Variants in RPLP0 observed in about 807,000 individuals in gnomAD.
RPLP0 encodes ribosomal protein lateral stalk subunit P0, also known as large ribosomal subunit protein uL10.
For synonymous variants in RPLP0, 137 were observed against 153.4 expected, an observed-to-expected ratio of 0.89 and a Z score of 0.79; for missense variants, 276 against 402.9, an observed-to-expected ratio of 0.69 and a Z score of 2.70.
chr12:120,198,567 G>C lies in RPLP0; in HGVS notation c.638C>G (p.Ser213Cys). The C allele has an allele frequency of 6.2e-7, 1 of 1,614,136 alleles. No individual in the cohort carries two copies. The highest frequency in any genetic ancestry group is 1.1e-5 in the South Asian group (1 of 91,082). ...GACAGCATATACCTCCAGGAAGCGA[G>C]AATGCAGAGTTTCCTCTGTGATATC... Reference protein sequence around the residue: ...VLDITEETLHSRFLEGVRNVA... With the variant: ...VLDITEETLHCRFLEGVRNVA... The change falls in exon 6 of 8, where the codon TCT (serine) becomes TGT (cysteine). Residue 213 changes from serine to cysteine, a missense_variant. By Grantham distance (112) the Ser-to-Cys change is moderately radical. Transcript: ENST00000392514. This position sits in a 1 kb window ranked among gnomAD's most constrained non-coding sequence, Gnocchi z 4.1.
At chr12:120,199,654 G>T in intron 2 of RPLP0, 169 bp from the exon 3 acceptor site, 1 of 646,006 alleles carries the variant, frequency 1.5e-6, no homozygotes, top group Non-Finnish European at 2.6e-6. Flanking sequence ...CTGGATGATT[G>T]GCTAGCTGGG....
Position 120,200,667 on chromosome 12 carries a change from G to A in RPLP0, c.54+63C>T, listed in dbSNP as rs904868998. On this transcript the variant is annotated intron_variant, in intron 2 of 7. Transcript: ENST00000392514. ...GTGAGTAGACCCTCAGCACATAGCA[G>A]CTGACTGTCCCTATTTGCGCTGGGG... The A allele has an allele frequency of 1.4e-4, 212 of 1,563,218 alleles. 1 individual carries two copies. In the East Asian group the frequency reaches 4.9e-3, roughly 36 times the overall value.
Position 120,198,412 on chromosome 12 carries a change from A to G in RPLP0, c.651+142T>C, listed in dbSNP as rs1879269856. The G allele has an allele frequency of 2.2e-5, 20 of 918,424 alleles. No homozygotes were observed. Among genetic ancestry groups the G allele is most frequent in the Non-Finnish European group, 4.9e-6 (3 of 617,302 alleles). The allele number at this position is 918,424 out of a possible 1,614,324, so 56.9% of individuals were successfully genotyped here. A position where few individuals can be genotyped will look rare whatever the true frequency, so the allele number is the denominator to read the frequency against. On this transcript the variant is annotated intron_variant, in intron 6 of 7. Transcript: ENST00000392514. This position sits in a 1 kb window ranked among gnomAD's most constrained non-coding sequence, Gnocchi z 4.1. ...AAAAAAAAAAAAAAAAAATCCTTCAACAATCTTATGTTGTTACTGACATTT... is the reference window on the plus strand; with the variant it reads ...AAAAAAAAAAAAAAAAAATCCTTCAGCAATCTTATGTTGTTACTGACATTT...
intron 6 of RPLP0, chr12:120,197,748 A>G (rs761845877): frequency 7.3e-5 from 26 of 354,646 alleles, no homozygotes; most frequent in Non-Finnish European, 1.1e-4. Context: ...TAACGTAGCC[A>G]TTGAGTTCCA....
chr12:120,196,951 A>G lies in RPLP0; in HGVS notation c.793-17T>C. The G allele has an allele frequency of 4.3e-6, 7 of 1,612,788 alleles. No homozygotes were observed. Among genetic ancestry groups the G allele is most frequent in the Non-Finnish European group, 5.1e-6 (6 of 1,179,768 alleles). On this transcript the variant is annotated splice_polypyrimidine_tract_variant and intron_variant, in intron 7 of 7. Transcript: ENST00000392514. ...GGCCTTGACCTGAAAGGAGGGGGGA[A>G]GTGGTCAAAATGGTCATCCACACTC...
chr12:120,198,440 C>A lies in RPLP0; in HGVS notation c.651+114G>T. 6 of 1,019,922 alleles carry A rather than the reference C, an allele frequency of 5.9e-6. No homozygotes were observed. The highest frequency in any genetic ancestry group is 7.4e-6 in the Non-Finnish European group (5 of 679,488). The allele number at this position is 1,019,922 out of a possible 1,614,324, so 63.2% of individuals were successfully genotyped here. ...ATCTTATGTTGTTACTGACATTTTA[C>A]AGATGAGGTAGGTAGACAGATGAAA... On this transcript the variant is annotated intron_variant, in intron 6 of 7. Transcript: ENST00000392514. The surrounding 1 kb of genome is among the most constrained non-coding windows in gnomAD (Gnocchi z 4.1).
chr12:120,200,341 T>TA lies in RPLP0; in HGVS notation c.54+388dup, dbSNP rs1370071783. The TA allele has an allele frequency of 4.3e-5, 14 of 328,974 alleles. 1 individual carries two copies. The highest frequency in any genetic ancestry group is 8.6e-5 in the Admixed American group (2 of 23,156). 20.4% of individuals were successfully genotyped at this position (328,974 alleles called of 1,614,324 possible). A position where few individuals can be genotyped will look rare whatever the true frequency, so the allele number is the denominator to read the frequency against. On this transcript the variant is annotated intron_variant, in intron 2 of 7. Transcript: ENST00000392514. ...AGCTGGGTGTGGTGTCGCGCCCCTG[T>TA]AATCCCAGCTACTCGGGAGGCTGAA...
At chr12:120,199,269 G>C (rs372868052) in intron 3 of RPLP0, 41 bp downstream of exon 3, 1 of 1,613,482 alleles carries the variant, frequency 6.2e-7, no homozygotes, top group Non-Finnish European at 8.5e-7. Flanking sequence ...AGAGGGAGAC[G>C]GGCACTGGGG....
chr12:120,201,066 C>A lies in RPLP0; in HGVS notation c.-49+17G>T, dbSNP rs562859780. 1.7e-5 allele frequency: 7 copies of A among 421,886 alleles called. No homozygotes were observed. The highest frequency in any genetic ancestry group is 1.3e-4 in the Admixed American group (3 of 23,480). 26.1% of individuals were successfully genotyped at this position (421,886 alleles called of 1,614,324 possible). ...CCCGCCGGCGACCCCTGGCGCCCAT[C>A]TAACTAGCACACGAACCTTCCACGA... On this transcript the variant is annotated intron_variant, in intron 1 of 7. Coordinates refer to ENST00000392514, the MANE Select transcript of RPLP0 (RefSeq NM_001002.4).
chr12:120,197,038 T>C, intron 7 of RPLP0, 104 bp from the exon 8 acceptor site: 2 of 1,559,414 alleles, frequency 1.3e-6, no homozygotes, highest in Admixed American at 1.8e-5. Context: ...TCAAAGTCCG[T>C]GTGAAGCCTT....
At position 120,196,724 on chromosome 12, in the gene RPLP0, T is replaced by C. The variant is rs138389714; in HGVS notation, c.*49A>G. 1.1e-4 allele frequency: 164 copies of C among 1,519,160 alleles called. No individual in the cohort carries two copies. The East Asian group carries it at 1.2e-3, about 11-fold the overall frequency. 94.1% of individuals were successfully genotyped at this position (1,519,160 alleles called of 1,614,324 possible). On this transcript the variant is annotated 3_prime_UTR_variant, in exon 8 of 8. Coordinates refer to ENST00000392514, the MANE Select transcript of RPLP0 (RefSeq NM_001002.4). ...GACTTTTTAAAGAAGTAAGCCTTTATTTCCTTGTTTTGCAAATAAAACTGG... is the reference window on the plus strand; with the variant it reads ...GACTTTTTAAAGAAGTAAGCCTTTACTTCCTTGTTTTGCAAATAAAACTGG...
intron 7 of RPLP0, 190 bp downstream of exon 7, chr12:120,197,131 AC>A: frequency 9.5e-7 from 1 of 1,057,622 alleles, no homozygotes; most frequent in South Asian, 1.5e-5. Flanking sequence ...TTGCCCATTA[AC>A]CCCCTCTTTG....
chr12:120,197,349 C>T lies in RPLP0; in HGVS notation c.765G>A (p.Thr255=), dbSNP rs777166855. ...YKRVLALSVE[T]DYTFPLAEKV... ...TTTCAGCAAGTGGGAAGGTGTAATC[C>T]GTCTCCACAGACAAGGCCAGGACTC... Residue 255 remains threonine, a synonymous_variant, in exon 7 of 8, where the codon ACG becomes ACA. Transcript: ENST00000392514. 7 of 1,613,778 alleles carry T rather than the reference C, an allele frequency of 4.3e-6. No homozygotes were observed. Among genetic ancestry groups the T allele is most frequent in the East Asian group, 2.2e-5 (1 of 44,904 alleles).
chr12:120,200,940 A>G, intron 1 of RPLP0, 109 bp from the exon 2 acceptor site: 2 of 1,328,674 alleles, frequency 1.5e-6, no homozygotes, highest in Non-Finnish European at 2.0e-6. Context: ...TGCCTAGGGC[A>G]GCGGCCGTCA....
rs975172850 is a variant in RPLP0 at position 120,198,040 on chromosome 12, A to C, written c.651+514T>G. On this transcript the variant is annotated intron_variant, in intron 6 of 7. Transcript: ENST00000392514. This position sits in a 1 kb window ranked among gnomAD's most constrained non-coding sequence, Gnocchi z 4.1. ...ACCTCTTAAAAGGCTTTTGATGGCA[A>C]AATGTGAGTCTCAATGCAGGCCCTA... Among the ~76,000 whole-genome samples, 4 of 152,088 alleles carry C rather than the reference A, an allele frequency of 2.6e-5. No homozygotes were observed. The South Asian group carries it at 8.3e-4, about 32-fold the overall frequency.
chr12:120,200,905 G>T, intron 1 of RPLP0, 74 bp from the exon 2 acceptor site: 1 of 1,455,260 alleles, frequency 6.9e-7, no homozygotes, highest in Non-Finnish European at 9.1e-7. Flanking sequence ...AGAGGAGCAG[G>T]ACACGCGCAA....
In RPLP0 at chr12:120,199,552, CTG is replaced by C. The variant is rs944920807; in HGVS notation, c.55-69_55-68del. 5.4e-6 allele frequency: 8 copies of C among 1,493,994 alleles called. No individual in the cohort carries two copies. In the Admixed American group the frequency reaches 1.2e-4, roughly 22 times the overall value. 92.5% of individuals were successfully genotyped at this position (1,493,994 alleles called of 1,614,324 possible). A position where few individuals can be genotyped will look rare whatever the true frequency, so the allele number is the denominator to read the frequency against. ...GAGAGGGAAAAAATGCCAGAAGAAACTGAACCCCACAATTTGTTTCCATCCCA... is the reference window on the plus strand; with the variant it reads ...GAGAGGGAAAAAATGCCAGAAGAAACAACCCCACAATTTGTTTCCATCCCA... On this transcript the variant is annotated intron_variant, in intron 2 of 7. Coordinates refer to ENST00000392514, the MANE Select transcript of RPLP0 (RefSeq NM_001002.4).
rs568651787 is a variant in RPLP0 at position 120,198,434 on chromosome 12, A to G, written c.651+120T>C. On this transcript the variant is annotated intron_variant, in intron 6 of 7. Coordinates refer to ENST00000392514, the MANE Select transcript of RPLP0 (RefSeq NM_001002.4). The surrounding 1 kb of genome is among the most constrained non-coding windows in gnomAD (Gnocchi z 4.1). ...TCAACAATCTTATGTTGTTACTGAC[A>G]TTTTACAGATGAGGTAGGTAGACAG... 9.4e-7 allele frequency: 1 copy of G among 1,063,408 alleles called. No individual in the cohort carries two copies. The highest frequency in any genetic ancestry group is 1.4e-6 in the Non-Finnish European group (1 of 720,912). The allele number at this position is 1,063,408 out of a possible 1,614,324, so 65.9% of individuals were successfully genotyped here.
intron 7 of RPLP0, 30 bp from the exon 8 acceptor site, chr12:120,196,964 G>C (rs559765232): frequency 6.2e-7 from 1 of 1,612,278 alleles, no homozygotes; most frequent in Non-Finnish European, 8.5e-7. Flanking sequence ...GGTCAAAATG[G>C]TCATCCACAC....
Sources: allele counts gnomAD v4.1 joint callset (sites outside exome capture counted in the v4.1 genomes callset), GRCh38; gene constraint gnomAD v4.1.1; non-coding constraint Gnocchi (gnomAD v3.1); transcripts MANE v1.5; gene names NCBI Gene and HGNC (gene_info 2026-07-23, HGNC 2026-07-21).